Variants in PTCH1 observed in about 807,000 individuals in gnomAD.
PTCH1 encodes patched 1.
PTCH1 carries 14 observed loss-of-function variants against 144.6 expected under a neutral mutation model. The observed-to-expected ratio is 0.10, with a 90% CI of 0.06 to 0.15. The LOEUF is 0.15. Ranked by LOEUF, PTCH1 falls within the 10% of genes least tolerant of loss-of-function variation. The pLI is 1.00. For missense variants in PTCH1, 1,623 were observed against 1,948.3 expected (o/e 0.83, Z 3.14); for synonymous variants, 833 against 793.6 (o/e 1.05, Z -0.83).
chr9:95,496,084 T>C (rs566657311), intron 2 of PTCH1, among the ~76,000 whole-genome samples: 1 of 152,350 alleles, frequency 6.6e-6, no homozygotes, highest in African/African-American at 2.4e-5. Flanking sequence ...TTGGCGGCCC[T>C]GACCTGCAGC....
intron 7 of PTCH1, 57 bp from the exon 8 acceptor site, chr9:95,479,204 C>A: frequency 6.2e-7 from 1 of 1,611,436 alleles, no homozygotes; most frequent in Non-Finnish European, 8.5e-7. Context: ...GCAGTTTCCA[C>A]TGCCTCAAAT....
chr9:95,479,174 A>G (rs1841337329), intron 7 of PTCH1, 27 bp from the exon 8 acceptor site: 1 of 1,614,038 alleles, frequency 6.2e-7, no homozygotes, highest in Non-Finnish European at 8.5e-7. Context: ...GGGAAGGCAC[A>G]TCATCAGTAT....
At chr9:95,505,031 C>T (rs1294887616) in intron 2 of PTCH1, among the ~76,000 whole-genome samples, 1 of 152,104 alleles carries the variant, frequency 6.6e-6, no homozygotes, top group African/African-American at 2.4e-5. Flanking sequence ...ATCCAAAGAA[C>T]GCTTTTGTAT....
At chr9:95,457,595 A>C (rs1402903318) in intron 18 of PTCH1, among the ~76,000 whole-genome samples, 1 of 152,208 alleles carries the variant, frequency 6.6e-6, no homozygotes, top group African/African-American at 2.4e-5. Flanking sequence ...TTCTCCATAT[A>C]TCACTCTCCT....
At chr9:95,507,567 CG>C (rs977836755) in intron 1 of PTCH1, 63 of 458,882 alleles carry the variant, frequency 1.4e-4, no homozygotes, top group Non-Finnish European at 1.7e-4. Flanking sequence ...ACCTGGAAAA[CG>C]GGGGGGATAT....
upstream of PTCH1, among the ~76,000 whole-genome samples, chr9:95,511,858 C>T (rs1844174555): frequency 6.6e-6 from 1 of 152,148 alleles, no homozygotes; most frequent in South Asian, 2.1e-4. Context: ...GGGTAGTACC[C>T]CTAGTTTTGC....
chr9:95,496,787 G>T (rs927826928), intron 2 of PTCH1, among the ~76,000 whole-genome samples: 1 of 152,070 alleles, frequency 6.6e-6, no homozygotes, highest in Non-Finnish European at 1.5e-5. Context: ...TAAGAAGAAA[G>T]AATTTCTTAG....
At position 95,480,472 on chromosome 9, in the gene PTCH1, C is replaced by T. The variant is rs1178742053; in HGVS notation, c.863G>A (p.Gly288Asp). The T allele has an allele frequency of 6.2e-7, 1 of 1,612,416 alleles. No individual in the cohort carries two copies. The highest frequency in any genetic ancestry group is 8.5e-7 in the Non-Finnish European group (1 of 1,179,812). Residue 288 changes from glycine (G) to aspartate (D), a missense_variant, in exon 6 of 24, where the codon GGT (glycine) becomes GAT (aspartate). Gly to Asp is a moderately conservative substitution (Grantham distance 94). Around this residue, in one of 7 missense-constraint regions of PTCH1, gnomAD observed 230 missense variants for 271.0 expected, o/e 0.85. Transcript: ENST00000331920. ...WEEMLNKAEVGHGYMDRPCLN... is the reference protein window; with the variant it reads ...WEEMLNKAEVDHGYMDRPCLN... ...GCAGGGGCGGTCCATGTAACCATGA[C>T]CAACCTCAGCCTTATTCAGCATTTC...
chr9:95,495,903 C>T (rs1044798150), intron 2 of PTCH1, among the ~76,000 whole-genome samples: 9 of 152,112 alleles, frequency 5.9e-5, no homozygotes, highest in South Asian at 2.1e-4. Flanking sequence ...AGTACACACA[C>T]GATTTCTACA....
chr9:95,503,840 C>A (rs1843325999), intron 2 of PTCH1, among the ~76,000 whole-genome samples: 1 of 75,566 alleles, frequency 1.3e-5, no homozygotes, highest in Non-Finnish European at 2.6e-5. Context: ...CAAGGTGAAA[C>A]CCCGTCTCTA....
At chr9:95,460,629 T>C (rs1839375480) in intron 16 of PTCH1, among the ~76,000 whole-genome samples, 1 of 152,108 alleles carries the variant, frequency 6.6e-6, no homozygotes, top group African/African-American at 2.4e-5. Context: ...AGAACTGGAT[T>C]TCGGGGATCT....
At chr9:95,516,699 C>T in exon 1 of PTCH1, 2 of 1,613,454 alleles carry the variant, frequency 1.2e-6, no homozygotes, top group Middle Eastern at 1.7e-4. Context: ...TTCTCCTCCT[C>T]CTCCGTCTTT....
At chr9:95,459,224 A>T (rs2136667427) in intron 17 of PTCH1, among the ~76,000 whole-genome samples, 1 of 152,304 alleles carries the variant, frequency 6.6e-6, no homozygotes, top group Admixed American at 6.5e-5. Flanking sequence ...TCCCTTCAAC[A>T]CCAGAGTTGA....
rs1024256527 is a variant in PTCH1 at position 95,445,198 on chromosome 9, G to C, written c.*1195C>G. 2.6e-5 allele frequency: 4 copies of C among 152,274 alleles called. No homozygotes were observed. Among genetic ancestry groups the C allele is most frequent in the African/African-American group, 9.6e-5 (4 of 41,538 alleles). The allele number at this position is 152,274 out of a possible 1,614,324, so 9.4% of individuals were successfully genotyped here. On this transcript the variant is annotated 3_prime_UTR_variant, in exon 24 of 24. Coordinates refer to ENST00000331920, the MANE Select transcript of PTCH1 (RefSeq NM_000264.5). ...TTTAAGAGAGGGAGTTTAAACTATA[G>C]GGACTCAAAACATCATTTCTGGGAG...
intron 2 of PTCH1, chr9:95,494,261 C>G: frequency 1.0e-6 from 1 of 985,554 alleles, no homozygotes; most frequent in South Asian, 4.7e-5. Flanking sequence ...CTGACGCAGA[C>G]CTGCTCGCCC....
At chr9:95,485,640 C>A (rs746655757) in intron 3 of PTCH1, 45 bp downstream of exon 3, 1 of 1,611,342 alleles carries the variant, frequency 6.2e-7, no homozygotes, top group Non-Finnish European at 8.5e-7. Flanking sequence ...CTTCTCCCAC[C>A]GCCTTACCTG....
At chr9:95,504,722 C>T (rs552491663) in intron 2 of PTCH1, among the ~76,000 whole-genome samples, 4 of 152,170 alleles carry the variant, frequency 2.6e-5, no homozygotes, top group Non-Finnish European at 5.9e-5. Flanking sequence ...CCTAAAATGC[C>T]CTCCTTCCCC....
chr9:95,457,884 A>G (rs1839080401), intron 18 of PTCH1, 129 bp downstream of exon 18: 2 of 1,292,338 alleles, frequency 1.5e-6, no homozygotes, highest in East Asian at 4.8e-5. Flanking sequence ...CGAGTAGAAT[A>G]AACATATTAC....
intron 2 of PTCH1, among the ~76,000 whole-genome samples, chr9:95,491,620 T>C (rs543311569): frequency 6.6e-6 from 1 of 152,282 alleles, no homozygotes; most frequent in Admixed American, 6.5e-5. Flanking sequence ...GAACTGACCC[T>C]TTAACCCAGA....
Sources: gnomAD v4.1 joint callset for allele counts (sites outside exome capture counted in the v4.1 genomes callset) on GRCh38, gnomAD v4.1.1 for gene constraint, gnomAD v4.1.1 regional missense constraint, MANE v1.5 for transcripts, NCBI Gene and HGNC (gene_info 2026-07-23, HGNC 2026-07-21) for gene names.